Variants in EEPD1 observed in about 807,000 individuals in gnomAD.
EEPD1 encodes endonuclease/exonuclease/phosphatase family domain-containing protein 1.
In EEPD1, 17 loss-of-function variants were observed where a neutral mutation model predicts 46.3. The ratio of observed to expected loss-of-function variants is 0.37; its 90% confidence interval spans 0.25 to 0.55. The LOEUF is 0.55. EEPD1 is among the 20% of genes least tolerant of loss of function. The probability of loss-of-function intolerance (pLI) is 0.83; values close to 1 mark genes in which losing one functional copy is unlikely to be tolerated. For missense variants in EEPD1, 673 were observed against 745.6 expected (o/e 0.90, Z 1.13); for synonymous variants, 313 against 315.6 (o/e 0.99, Z 0.09).
intron 2 of EEPD1, among the ~76,000 whole-genome samples, chr7:36,214,971 C>G (rs1230016400): frequency 6.6e-6 from 1 of 152,258 alleles, no homozygotes; most frequent in South Asian, 2.1e-4. Flanking sequence ...CCAGGCTTGA[C>G]TCTGATCTGC....
chr7:36,161,275 C>T (rs933425649), intron 2 of EEPD1, among the ~76,000 whole-genome samples: 2 of 152,152 alleles, frequency 1.3e-5, no homozygotes, highest in African/African-American at 4.8e-5. Flanking sequence ...GGGGGCTCAC[C>T]GTCTCAAGGA....
chr7:36,161,265 G>A (rs1447097006), intron 2 of EEPD1, among the ~76,000 whole-genome samples: 2 of 152,164 alleles, frequency 1.3e-5, no homozygotes, highest in Non-Finnish European at 2.9e-5. Flanking sequence ...CTTTGTGGTC[G>A]GGGGCTCACC....
At chr7:36,201,505 C>T (rs942591350) in intron 2 of EEPD1, among the ~76,000 whole-genome samples, 1 of 152,170 alleles carries the variant, frequency 6.6e-6, no homozygotes, top group African/African-American at 2.4e-5. Context: ...AGCTGAGTGA[C>T]TCGGGGCAGG....
At chr7:36,185,145 T>C (rs1216836320) in intron 2 of EEPD1, among the ~76,000 whole-genome samples, 1 of 152,242 alleles carries the variant, frequency 6.6e-6, no homozygotes, top group African/African-American at 2.4e-5. Flanking sequence ...TTGCTGGAAA[T>C]TTGTGTTCCC....
rs185892485 is a variant in EEPD1 at position 36,232,658 on chromosome 7, C to T, written c.879-6327C>T. ...ATTTCAGTAGATTGGTTGTGGCTCA[C>T]TGGAGTGTTGAGAAGAATTTGGAAG... On this transcript the variant is annotated intron_variant, in intron 2 of 7. Transcript: ENST00000242108. Among the ~76,000 whole-genome samples the T allele has an allele frequency of 1.5e-3, 227 of 149,572 alleles. 1 individual carries two copies. Among genetic ancestry groups the T allele is most frequent in the African/African-American group, 5.4e-3 (219 of 40,436 alleles).
chr7:36,197,241 G>A (rs568508893), intron 2 of EEPD1, among the ~76,000 whole-genome samples: 9 of 147,714 alleles, frequency 6.1e-5, no homozygotes, highest in Non-Finnish European at 1.3e-4. Flanking sequence ...GGAGGGAGGT[G>A]GGGGGGTCAG....
intron 3 of EEPD1, among the ~76,000 whole-genome samples, chr7:36,251,490 A>G (rs1268866551): frequency 6.6e-6 from 1 of 152,130 alleles, no homozygotes; most frequent in African/African-American, 2.4e-5. Context: ...TTGTATTTTT[A>G]GTAGAGACGG....
At chr7:36,161,999 T>A (rs1005050828) in intron 2 of EEPD1, among the ~76,000 whole-genome samples, 1 of 152,194 alleles carries the variant, frequency 6.6e-6, no homozygotes, top group African/African-American at 2.4e-5. Context: ...TAGATTTTAC[T>A]GAAATTCTAT....
chr7:36,283,623 C>T (rs988888409), intron 4 of EEPD1, among the ~76,000 whole-genome samples: 1 of 152,180 alleles, frequency 6.6e-6, no homozygotes, highest in Non-Finnish European at 1.5e-5. Flanking sequence ...CAGGTCTTCT[C>T]GTTCTCAAAC....
chr7:36,237,123 T>C (rs1786464779), intron 2 of EEPD1, among the ~76,000 whole-genome samples: 1 of 152,140 alleles, frequency 6.6e-6, no homozygotes, highest in Non-Finnish European at 1.5e-5. Flanking sequence ...CTTTATGAAC[T>C]GTAACACTCA....
rs576822845 is a variant in EEPD1, at chr7:36,179,572, A to G, written c.878+24370A>G. ...AGGACCACACTGTCTTAAAAATAAA[A>G]AAAAGAGGCCAGGTGTGGTGGCTCA... On this transcript the variant is annotated intron_variant, in intron 2 of 7. Coordinates refer to ENST00000242108, the MANE Select transcript of EEPD1 (RefSeq NM_030636.3). 5.3e-5 allele frequency among the ~76,000 whole-genome samples: 8 copies of G among 151,770 alleles called. No individual in the cohort carries two copies. The South Asian group carries it at 1.7e-3, about 32-fold the overall frequency.
intron 3 of EEPD1, among the ~76,000 whole-genome samples, chr7:36,243,519 A>G: frequency 6.6e-6 from 1 of 152,194 alleles, no homozygotes; most frequent in East Asian, 1.9e-4. Context: ...GCTTCAAATG[A>G]CAACCGGCCT....
intron 3 of EEPD1, among the ~76,000 whole-genome samples, chr7:36,248,938 C>T (rs562874630): frequency 1.3e-5 from 2 of 150,416 alleles, no homozygotes; most frequent in Admixed American, 6.7e-5. Context: ...CCCAGGACCT[C>T]GCTGCCGGAA....
At chr7:36,298,982 G>A (rs373526788) in intron 7 of EEPD1, 25 bp from the exon 8 acceptor site, 5 of 1,611,168 alleles carry the variant, frequency 3.1e-6, no homozygotes, top group Non-Finnish European at 2.5e-6. Context: ...CTGATTCCCG[G>A]TCTCTTTCCT....
chr7:36,207,938 CCT>C (rs1330114447), intron 2 of EEPD1, among the ~76,000 whole-genome samples: 6 of 148,458 alleles, frequency 4.0e-5, no homozygotes, highest in South Asian at 2.2e-4. Context: ...CAGTCTCTTG[CCT>C]TTGTTCACAC....
intron 3 of EEPD1, among the ~76,000 whole-genome samples, chr7:36,268,675 G>A (rs1221112133): frequency 6.6e-6 from 1 of 152,160 alleles, no homozygotes; most frequent in Non-Finnish European, 1.5e-5. Context: ...GGTGTGGAAT[G>A]TCGAAGGGGG....
chr7:36,163,652 G>A lies in EEPD1; in HGVS notation c.878+8450G>A, dbSNP rs185907180. Among the ~76,000 whole-genome samples, 1,480 of 152,270 alleles carry A rather than the reference G, an allele frequency of 9.7e-3. 37 individuals carry two copies. Among genetic ancestry groups the A allele is most frequent in the African/African-American group, 0.034 (1,423 of 41,552 alleles). On this transcript the variant is annotated intron_variant, in intron 2 of 7. Coordinates refer to ENST00000242108, the MANE Select transcript of EEPD1 (RefSeq NM_030636.3). ...CCCAGCACTTTGGGAGGCCGAGGCG[G>A]GCGGATCATGAGGTCAGGAGATCGA... is the stretch of plus-strand genomic sequence containing the variant.
At chr7:36,284,869 A>C in intron 5 of EEPD1, 49 bp downstream of exon 5, 2 of 1,432,362 alleles carry the variant, frequency 1.4e-6, no homozygotes, top group South Asian at 3.0e-5. Flanking sequence ...CTTTCTAAAA[A>C]GGAAAGAAAA....
chr7:36,269,596 G>A (rs1178957398), intron 3 of EEPD1, among the ~76,000 whole-genome samples: 1 of 152,108 alleles, frequency 6.6e-6, no homozygotes, highest in African/African-American at 2.4e-5. Context: ...TCACAGGCAG[G>A]TATATTAAAA....
Sources: allele counts gnomAD v4.1 joint callset (sites outside exome capture counted in the v4.1 genomes callset), GRCh38; gene constraint gnomAD v4.1.1; transcripts MANE v1.5; gene names NCBI Gene and HGNC (gene_info 2026-07-23, HGNC 2026-07-21).